The following RBM5 variants were observed in gnomAD, a reference collection of about 807,000 sequenced individuals.
RBM5 encodes RNA binding motif protein 5, also known as RNA-binding protein 5.
A neutral mutation model predicts 124.6 loss-of-function variants in RBM5; 15 were observed. The observed-to-expected ratio is 0.12, with a 90% CI of 0.08 to 0.19. The LOEUF is 0.19. Among genes scored for constraint, RBM5 ranks in the 10% least tolerant of loss-of-function variants. The pLI, the probability that RBM5 is intolerant of heterozygous loss-of-function variation, is 1.00. For synonymous variants in RBM5, 337 were observed against 361.2 expected, an observed-to-expected ratio of 0.93 and a Z score of 0.76; for missense variants, 580 against 1,026.5, an observed-to-expected ratio of 0.57 and a Z score of 5.94.
rs985932137 is a variant in RBM5 at position 50,090,069 on chromosome 3, T to C, written c.-53-313T>C. On this transcript the variant is annotated intron_variant, in intron 1 of 24. Coordinates refer to ENST00000347869, the MANE Select transcript of RBM5 (RefSeq NM_005778.4). ...AAAACCAAGGAGCTGATTGTAGCTC[T>C]GCCCTTTTTGCTTTGTAATTCTAAG... The C allele has an allele frequency of 1.4e-5, 3 of 209,192 alleles. No homozygotes were observed. In the Admixed American group the frequency reaches 1.6e-4, roughly 11 times the overall value. 13.0% of individuals were successfully genotyped at this position (209,192 alleles called of 1,614,324 possible).
At chr3:50,103,628 A>G (rs1231766024) in intron 7 of RBM5, among the ~76,000 whole-genome samples, 3 of 152,214 alleles carry the variant, frequency 2.0e-5, no homozygotes, top group Non-Finnish European at 4.4e-5. Context: ...CCTGGGTGAC[A>G]GAGTGAGACT....
In RBM5 at chr3:50,117,256, C is replaced by T. The variant is rs754784701; in HGVS notation, c.2199C>T (p.Tyr733=). The T allele has an allele frequency of 2.4e-5, 38 of 1,614,066 alleles. No homozygotes were observed. Among genetic ancestry groups the T allele is most frequent in the Middle Eastern group, 1.6e-4 (1 of 6,084 alleles). Residue 733 remains tyrosine, a synonymous_variant, in exon 24 of 25, where the codon TAC becomes TAT. Transcript: ENST00000347869. The surrounding 1 kb of genome is among the most constrained non-coding windows in gnomAD (Gnocchi z 4.2). ...GTGTGTTTGCCACTGGCAGGAATTA[C>T]GAGCAACCCACCAAAGATGGCATTG... ...KKQFDAGTVN[Y]EQPTKDGIDH...
At position 50,093,728 on chromosome 3, in the gene RBM5, T is replaced by G. The variant is rs775735149; in HGVS notation, c.192T>G (p.Arg64=). ...TGTTTATTGTAACTCAGAGAGAGCG[T>G]GAAAGAAGGAACAGTGACCGATCCG... The part of the protein sequence containing the change: ...YRDYDSPERE[R]ERRNSDRSED... The change falls in exon 4 of 25, where the codon CGT becomes CGG. Residue 64 remains arginine, a synonymous_variant. Coordinates refer to ENST00000347869, the MANE Select transcript of RBM5 (RefSeq NM_005778.4). 6.2e-7 allele frequency: 1 copy of G among 1,612,462 alleles called. No homozygotes were observed. The highest frequency in any genetic ancestry group is 1.3e-5 in the African/African-American group (1 of 74,828).
At chr3:50,104,171 C>T in intron 7 of RBM5, 77 bp from the exon 8 acceptor site, 7 of 1,215,124 alleles carry the variant, frequency 5.8e-6, no homozygotes, top group South Asian at 1.2e-5. Context: ...GGGACCTACC[C>T]GTGGCCCCAC....
intron 1 of RBM5, chr3:50,090,012 C>T (rs77580539): frequency 0.032 from 5,553 of 171,858 alleles, 121 homozygotes; most frequent in Middle Eastern, 0.058. Flanking sequence ...AATGTTTTAA[C>T]GGTCAACTAT....
chr3:50,104,469 C>T, intron 8 of RBM5, 161 bp downstream of exon 8: 1 of 658,864 alleles, frequency 1.5e-6, no homozygotes, highest in Non-Finnish European at 2.6e-6. Context: ...CAAGACCCTG[C>T]CTGTACAAAA....
intron 14 of RBM5, among the ~76,000 whole-genome samples, chr3:50,109,357 G>A (rs1488888931): frequency 6.6e-6 from 1 of 152,186 alleles, no homozygotes; most frequent in African/African-American, 2.4e-5. Context: ...ACAGGCCTGA[G>A]CCACTGCACC....
chr3:50,107,297 C>A (rs530543523), intron 11 of RBM5, among the ~76,000 whole-genome samples, 185 bp from the exon 12 acceptor site: 5 of 152,178 alleles, frequency 3.3e-5, no homozygotes, highest in Non-Finnish European at 7.3e-5. Context: ...CAAGGTAGAA[C>A]AATGATACTA....
At chr3:50,115,176 T>G (rs1404298411) in intron 20 of RBM5, 1 of 418,180 alleles carries the variant, frequency 2.4e-6, no homozygotes, top group Non-Finnish European at 4.2e-6. Context: ...TCCAAAGAAA[T>G]AGAAAAAGGT....
chr3:50,109,334 A>T (rs2109010862), intron 14 of RBM5, among the ~76,000 whole-genome samples: 1 of 152,034 alleles, frequency 6.6e-6, no homozygotes, highest in South Asian at 2.1e-4. Context: ...TTTCCTTCCA[A>T]AGTGCTGGGA....
intron 4 of RBM5, 50 bp downstream of exon 4, chr3:50,093,925 T>C: frequency 1.3e-6 from 2 of 1,557,080 alleles, no homozygotes; most frequent in Non-Finnish European, 8.8e-7. Flanking sequence ...ACAATGAACT[T>C]TGAGCTTCTA....
At chr3:50,098,817 C>T (rs992395309) in intron 4 of RBM5, among the ~76,000 whole-genome samples, 11 of 152,086 alleles carry the variant, frequency 7.2e-5, no homozygotes, top group African/African-American at 9.7e-5. Flanking sequence ...TGTGCTCAAG[C>T]GCTCATCTTG....
At chr3:50,092,722 CAT>C (rs1267826048) in intron 3 of RBM5, 4 of 453,512 alleles carry the variant, frequency 8.8e-6, no homozygotes, top group African/African-American at 2.0e-5. Context: ...GTTATGATAA[CAT>C]ATTAGTTCTG....
intron 12 of RBM5, 103 bp downstream of exon 12, chr3:50,107,672 C>CTTT (rs71080575): frequency 0.036 from 3,778 of 104,616 alleles, 204 homozygotes; most frequent in South Asian, 0.048. Flanking sequence ...CTTTTCTTTT[C>CTTT]TTTTTTTTTT....
chr3:50,104,361 C>T (rs2090994322), intron 8 of RBM5, 53 bp downstream of exon 8: 1 of 1,554,936 alleles, frequency 6.4e-7, no homozygotes, highest in Non-Finnish European at 8.9e-7. Context: ...CTAACTGGGG[C>T]AGGGAGCAGT....
intron 14 of RBM5, 137 bp downstream of exon 14, chr3:50,108,441 GCTCACGC>G: frequency 1.2e-6 from 1 of 845,352 alleles, no homozygotes; most frequent in Middle Eastern, 3.4e-4. Context: ...GGGCACGGTG[GCTCACGC>G]CTGTAATCCC....
At chr3:50,116,201 T>A (rs1215940931) in intron 22 of RBM5, 1 of 531,316 alleles carries the variant, frequency 1.9e-6, no homozygotes, top group South Asian at 2.3e-5. Context: ...AGAAGCACAC[T>A]GCCGAGACTC....
At chr3:50,111,748 C>T (rs748009646) in intron 17 of RBM5, among the ~76,000 whole-genome samples, 3 of 152,176 alleles carry the variant, frequency 2.0e-5, no homozygotes, top group African/African-American at 4.8e-5. Context: ...TTTACTTTGC[C>T]TCCCTGTGTA....
At position 50,100,153 on chromosome 3, in the gene RBM5, C is replaced by A; in HGVS notation, c.409+102C>A. On this transcript the variant is annotated intron_variant, in intron 5 of 24. Coordinates refer to ENST00000347869, the MANE Select transcript of RBM5 (RefSeq NM_005778.4). This position sits in a 1 kb window ranked among gnomAD's most constrained non-coding sequence, Gnocchi z 5.1. ...CCCCCAGTCTTCAAGCACATGAATTCAGAATGAAAGGTTTGCCATGGCTAA... is the reference window on the plus strand; with the variant it reads ...CCCCCAGTCTTCAAGCACATGAATTAAGAATGAAAGGTTTGCCATGGCTAA... 1.8e-6 allele frequency: 2 copies of A among 1,081,728 alleles called. No individual in the cohort carries two copies. The highest frequency in any genetic ancestry group is 2.1e-4 in the Middle Eastern group (1 of 4,754). 67.0% of individuals were successfully genotyped at this position (1,081,728 alleles called of 1,614,324 possible). A position where few individuals can be genotyped will look rare whatever the true frequency, so the allele number is the denominator to read the frequency against.
Sources: gnomAD v4.1 joint callset for allele counts (sites outside exome capture counted in the v4.1 genomes callset) on GRCh38, gnomAD v4.1.1 for gene constraint, Gnocchi (gnomAD v3.1) non-coding constraint, MANE v1.5 for transcripts, NCBI Gene and HGNC (gene_info 2026-07-23, HGNC 2026-07-21) for gene names.